Variants in GRIP1 observed in about 807,000 individuals in gnomAD.
GRIP1 encodes the protein glutamate receptor interacting protein 1, also known as glutamate receptor-interacting protein 1.
GRIP1 carries 45 observed loss-of-function variants against 129.9 expected under a neutral mutation model. That is an observed-to-expected ratio of 0.35 (90% CI 0.27 to 0.44). GRIP1 has a LOEUF of 0.44. GRIP1 is among the 20% of genes least tolerant of loss of function. The pLI is 1.00. For synonymous variants in GRIP1, 530 were observed against 520.8 expected, an observed-to-expected ratio of 1.02 and a Z score of -0.24; for missense variants, 1,196 against 1,396.8, an observed-to-expected ratio of 0.86 and a Z score of 2.29.
intron 1 of GRIP1, among the ~76,000 whole-genome samples, chr12:66,913,304 C>A (rs2041063826): frequency 6.6e-6 from 1 of 152,072 alleles, no homozygotes; most frequent in Non-Finnish European, 1.5e-5. Context: ...TCACAATGTC[C>A]CCATTTATTG....
intron 1 of GRIP1, among the ~76,000 whole-genome samples, chr12:67,049,911 A>T (rs1006296530): frequency 2.8e-5 from 3 of 108,100 alleles, no homozygotes; most frequent in South Asian, 2.6e-4. Flanking sequence ...AATAATTGGT[A>T]AAAAAAAGTT....
intron 1 of GRIP1, among the ~76,000 whole-genome samples, chr12:66,946,538 T>G (rs1002036344): frequency 6.6e-6 from 1 of 151,946 alleles, no homozygotes; most frequent in South Asian, 2.1e-4. Flanking sequence ...TTATTCTTCA[T>G]ATACTTTAAT....
Position 66,726,525 on chromosome 12 carries a change from T to C in GRIP1, c.-420+77528A>G, listed in dbSNP as rs534152173. Among the ~76,000 whole-genome samples, 34 of 152,252 alleles carry C rather than the reference T, an allele frequency of 2.2e-4. No homozygotes were observed. In the East Asian group the frequency reaches 6.0e-3, roughly 27 times the overall value. On this transcript the variant is annotated intron_variant, in intron 1 of 4. Transcript: ENST00000538373. Reference sequence around the variant, plus strand: ...AACAACAACAAAAAACAAACAACTTTAATTCTTGTTTCGCCCATTCCAGTA... The same window carrying C: ...AACAACAACAAAAAACAAACAACTTCAATTCTTGTTTCGCCCATTCCAGTA...
At chr12:66,733,497 T>C (rs547640025) in intron 1 of GRIP1, among the ~76,000 whole-genome samples, 2 of 152,002 alleles carry the variant, frequency 1.3e-5, no homozygotes, top group Non-Finnish European at 2.9e-5. Flanking sequence ...CCATGGAACT[T>C]GGATGAGATG....
rs188535864 is a variant in GRIP1 at position 66,463,329 on chromosome 12, T to G, written c.873-236A>C. Among the ~76,000 whole-genome samples the G allele has an allele frequency of 1.1e-3, 166 of 144,964 alleles. 3 individuals are homozygous for G. In the East Asian group the frequency reaches 0.027, roughly 23 times the overall value. ...TTCAACGAAATGTTTTCTCTTGTCT[T>G]TCTTTAAAAAAAAAATCTTATTTTG... On this transcript the variant is annotated intron_variant, in intron 8 of 24. Transcript: ENST00000359742.
At chr12:66,465,230 G>C in intron 8 of GRIP1, 45 bp downstream of exon 8, 1 of 1,566,672 alleles carries the variant, frequency 6.4e-7, no homozygotes, top group African/African-American at 1.4e-5. Flanking sequence ...ACAGGCGTGA[G>C]CCACTGCGCC....
chr12:66,450,329 A>AAAAAG, intron 11 of GRIP1, among the ~76,000 whole-genome samples: 1 of 149,124 alleles, frequency 6.7e-6, no homozygotes, highest in Non-Finnish European at 1.5e-5. Flanking sequence ...AAAAAAAAAA[A>AAAAAG]AAAAGAAAGA....
chr12:66,930,053 CTCTT>C (rs1359221647), intron 1 of GRIP1, among the ~76,000 whole-genome samples: 4 of 125,848 alleles, frequency 3.2e-5, no homozygotes, highest in East Asian at 2.6e-4. Flanking sequence ...CTCTCTCTCT[CTCTT>C]TTTTTTTTTT....
Position 66,392,772 on chromosome 12 carries a change from C to T in GRIP1, c.2174G>A (p.Ser725Asn), listed in dbSNP as rs1447210582. ...CAGAGGCTTCCCTTTCAAGCTGCTG[C>T]TATTGATGGCTAGGATTCGGTCTCC... ...HIGDRILAIN[S>N]SSLKGKPLSE... The change falls in exon 18 of 25, where the codon AGC (serine) becomes AAC (asparagine). Residue 725 changes from serine (S) to asparagine (N), a missense_variant. Physicochemically the swap from Ser to Asn is conservative, Grantham distance 46. Transcript: ENST00000359742. The T allele has an allele frequency of 3.1e-6, 5 of 1,613,906 alleles. No homozygotes were observed. In the South Asian group the frequency reaches 3.3e-5, roughly 11 times the overall value.
chr12:66,455,257 A>T, intron 11 of GRIP1, 152 bp downstream of exon 11: 1 of 759,024 alleles, frequency 1.3e-6, no homozygotes, highest in Non-Finnish European at 2.4e-6. Context: ...TATCGTGTCA[A>T]CGGTCTTTGG....
At chr12:66,714,205 T>A (rs2035798500) in intron 1 of GRIP1, among the ~76,000 whole-genome samples, 1 of 152,080 alleles carries the variant, frequency 6.6e-6, no homozygotes, top group African/African-American at 2.4e-5. Context: ...TTAAACCTAC[T>A]GAGGACTTTT....
At chr12:67,067,980 AGACAG>A (rs1255335993) in intron 1 of GRIP1, among the ~76,000 whole-genome samples, 2 of 152,168 alleles carry the variant, frequency 1.3e-5, no homozygotes, top group Non-Finnish European at 2.9e-5. Context: ...CCTTCCTCGA[AGACAG>A]GACAGGACAG....
intron 15 of GRIP1, among the ~76,000 whole-genome samples, chr12:66,407,891 C>T (rs982873189): frequency 2.6e-5 from 4 of 152,134 alleles, no homozygotes; most frequent in Non-Finnish European, 5.9e-5. Flanking sequence ...TTGCAACACC[C>T]CTCCCCTAGC....
At chr12:66,736,461 G>C (rs1440074144) in intron 1 of GRIP1, among the ~76,000 whole-genome samples, 5 of 141,590 alleles carry the variant, frequency 3.5e-5, no homozygotes, top group African/African-American at 1.1e-4. Flanking sequence ...TTTTGTATAA[G>C]TATTATATAC....
chr12:66,964,649 C>T (rs1163411510), intron 1 of GRIP1, among the ~76,000 whole-genome samples: 3 of 152,082 alleles, frequency 2.0e-5, no homozygotes, highest in South Asian at 2.1e-4. Context: ...TCATGAGGCT[C>T]CCAAAGCAAC....
chr12:67,007,768 G>C (rs2042649005), intron 1 of GRIP1, among the ~76,000 whole-genome samples: 1 of 152,078 alleles, frequency 6.6e-6, no homozygotes, highest in Non-Finnish European at 1.5e-5. Flanking sequence ...ACAAATCAAA[G>C]ATAATTTTCT....
intron 1 of GRIP1, among the ~76,000 whole-genome samples, chr12:66,660,843 AT>A (rs1486204790): frequency 2.0e-5 from 3 of 152,036 alleles, no homozygotes; most frequent in African/African-American, 7.2e-5. Context: ...AGTAGTGGCT[AT>A]TTTTGCAGAG....
At chr12:66,854,527 A>G (rs750824193) in intron 1 of GRIP1, among the ~76,000 whole-genome samples, 2 of 152,040 alleles carry the variant, frequency 1.3e-5, no homozygotes. Context: ...CAGCTATTAT[A>G]TGCCAGGTTC....
chr12:67,066,888 T>TTTTATATATA (rs59891449), intron 1 of GRIP1, among the ~76,000 whole-genome samples: 9,005 of 125,374 alleles, frequency 0.072, 398 homozygotes, highest in Admixed American at 0.12. Flanking sequence ...AAATATATAT[T>TTTTATATATA]TATATATATA....
Sources: gnomAD v4.1 joint callset for allele counts (sites outside exome capture counted in the v4.1 genomes callset) on GRCh38, gnomAD v4.1.1 for gene constraint, MANE v1.5 for transcripts, NCBI Gene and HGNC (gene_info 2026-07-23, HGNC 2026-07-21) for gene names.